Variants in FNDC1 observed in about 807,000 individuals in gnomAD.
FNDC1 encodes the protein fibronectin type III domain containing 1, also known as fibronectin type III domain-containing protein 1.
FNDC1 carries 96 observed loss-of-function variants against 168.0 expected under a neutral mutation model. That is an observed-to-expected ratio of 0.57 (90% CI 0.48 to 0.68). The LOEUF (loss-of-function observed/expected upper bound fraction) is 0.68. Ranked by LOEUF, FNDC1 falls within the 30% of genes least tolerant of loss-of-function variation. The pLI is 0.00. For missense variants in FNDC1, 2,587 were observed against 2,482.1 expected, an observed-to-expected ratio of 1.04 and a Z score of -0.90; for synonymous variants, 1,099 against 1,025.9, an observed-to-expected ratio of 1.07 and a Z score of -1.36.
intron 4 of FNDC1, among the ~76,000 whole-genome samples, chr6:159,205,465 G>A (rs932226477): frequency 2.0e-5 from 3 of 152,160 alleles, no homozygotes; most frequent in Non-Finnish European, 4.4e-5. Flanking sequence ...TGATTCAAGA[G>A]CATAATTAAT....
chr6:159,262,297 T>G (rs1422150736), intron 19 of FNDC1, among the ~76,000 whole-genome samples: 1 of 152,134 alleles, frequency 6.6e-6, no homozygotes, highest in Non-Finnish European at 1.5e-5. Context: ...GCCCAGAAAA[T>G]GGGTCATTGG....
chr6:159,178,073 G>A (rs1025927681), intron 1 of FNDC1, among the ~76,000 whole-genome samples: 9 of 152,128 alleles, frequency 5.9e-5, no homozygotes, highest in Non-Finnish European at 1.5e-5. Flanking sequence ...AGGCCAGCAG[G>A]GGAGGATTCT....
chr6:159,267,662 T>A, intron 21 of FNDC1, 142 bp from the exon 22 acceptor site: 1 of 825,802 alleles, frequency 1.2e-6, no homozygotes, highest in Non-Finnish European at 1.8e-6. Context: ...ATTATCACCA[T>A]TTTCAGACAT....
At chr6:159,269,324 A>ACTATCTATCTATCTAT (rs534803404) in intron 22 of FNDC1, among the ~76,000 whole-genome samples, 3 of 40,404 alleles carry the variant, frequency 7.4e-5, no homozygotes, top group African/African-American at 1.3e-4. Flanking sequence ...TATTTATCTA[A>ACTATCTATCTATCTAT]CTATCTATCT....
chr6:159,197,726 C>T (rs763369026), intron 2 of FNDC1, 101 bp downstream of exon 2: 9 of 1,100,688 alleles, frequency 8.2e-6, no homozygotes, highest in Non-Finnish European at 1.2e-5. Context: ...TGGCTGGGCT[C>T]AAGGTCCCTT....
Position 159,232,073 on chromosome 6 carries a change from C to G in FNDC1, c.1561C>G (p.Arg521Gly). The G allele has an allele frequency of 6.2e-7, 1 of 1,613,704 alleles. No homozygotes were observed. The highest frequency in any genetic ancestry group is 8.5e-7 in the Non-Finnish European group (1 of 1,179,770). ...NKILANGGAP[R>G]KPQLRAKKAE... ...AATATTGGCTAATGGTGGGGCGCCC[C>G]GAAAACCCCAGCTTCGCGCCAAGAA... Residue 521 changes from arginine to glycine, a missense_variant, in exon 11 of 23, where the codon CGA (arginine) becomes GGA (glycine). Arg to Gly is a moderately radical substitution (Grantham distance 125, BLOSUM62 -2). Coordinates refer to ENST00000297267, the MANE Select transcript of FNDC1 (RefSeq NM_032532.3). This position sits in a 1 kb window ranked among gnomAD's most constrained non-coding sequence, Gnocchi z 4.9.
At chr6:159,264,840 A>T in intron 19 of FNDC1, 135 bp from the exon 20 acceptor site, 1 of 645,298 alleles carries the variant, frequency 1.5e-6, no homozygotes, top group Non-Finnish European at 2.6e-6. Context: ...AACCAAGGAA[A>T]ACGTTGGCAT....
intron 22 of FNDC1, among the ~76,000 whole-genome samples, chr6:159,269,233 CT>C (rs1246282526): frequency 9.3e-5 from 13 of 139,540 alleles, no homozygotes; most frequent in African/African-American, 3.6e-4. Flanking sequence ...ATCTATCTAT[CT>C]ATCTATCTAT....
intron 13 of FNDC1, among the ~76,000 whole-genome samples, chr6:159,239,255 A>C (rs1783343650): frequency 6.6e-6 from 1 of 152,168 alleles, no homozygotes; most frequent in Non-Finnish European, 1.5e-5. Flanking sequence ...TTTACAGAAG[A>C]AGTTTTCCAC....
At chr6:159,218,184 G>A (rs1167902831) in intron 5 of FNDC1, 1 of 152,268 alleles carries the variant, frequency 6.6e-6, no homozygotes, top group Non-Finnish European at 1.5e-5. Context: ...ATCTGTTGTT[G>A]TTGTTGTTTT....
intron 14 of FNDC1, among the ~76,000 whole-genome samples, chr6:159,244,147 G>A (rs921111683): frequency 2.0e-5 from 3 of 152,180 alleles, no homozygotes; most frequent in Admixed American, 6.5e-5. Flanking sequence ...AAAGCAAGAC[G>A]ACATTCCTAA....
intron 17 of FNDC1, among the ~76,000 whole-genome samples, chr6:159,253,877 G>T (rs117482535): frequency 6.6e-6 from 1 of 152,256 alleles, no homozygotes; most frequent in Non-Finnish European, 1.5e-5. Flanking sequence ...TCCATTGGAA[G>T]CTGGGTTTCC....
In FNDC1 at chr6:159,228,171, G is replaced by C. The variant is rs556515066; in HGVS notation, c.1180+1591G>C. Among the ~76,000 whole-genome samples the C allele has an allele frequency of 2.6e-5, 4 of 152,246 alleles. No homozygotes were observed. The South Asian group carries it at 8.3e-4, about 32-fold the overall frequency. ...GAGTTGATATTTACAGTTCCTTGGC[G>C]AAAGAAGTTCCATGGTAGTCAATTA... On this transcript the variant is annotated intron_variant, in intron 9 of 22. Transcript: ENST00000297267.
chr6:159,172,318 A>G (rs943763273), intron 1 of FNDC1, among the ~76,000 whole-genome samples: 2 of 152,224 alleles, frequency 1.3e-5, no homozygotes, highest in African/African-American at 4.8e-5. Context: ...CAACAGACAA[A>G]CTAGAGCTAT....
intron 1 of FNDC1, among the ~76,000 whole-genome samples, chr6:159,180,199 TG>T (rs1781851387): frequency 6.6e-6 from 1 of 152,220 alleles, no homozygotes. Flanking sequence ...CCTAGCTTCT[TG>T]TGGTTTCCTT....
intron 14 of FNDC1, among the ~76,000 whole-genome samples, chr6:159,245,156 C>G (rs1230063584): frequency 6.6e-6 from 1 of 152,060 alleles, no homozygotes; most frequent in Non-Finnish European, 1.5e-5. Flanking sequence ...GGGAAACTGC[C>G]CCCATAATCC....
chr6:159,261,095 G>C, intron 18 of FNDC1, 95 bp from the exon 19 acceptor site: 1 of 882,914 alleles, frequency 1.1e-6, no homozygotes, highest in Non-Finnish European at 1.8e-6. Context: ...CTCAAAGCCT[G>C]TCACGGTTCA....
intron 12 of FNDC1, among the ~76,000 whole-genome samples, chr6:159,238,089 G>A (rs1039188395): frequency 3.1e-5 from 4 of 127,206 alleles, no homozygotes; most frequent in Non-Finnish European, 1.6e-5. Context: ...AAAGATGACT[G>A]TTTTGTACTT....
chr6:159,251,230 G>C (rs1285953669), intron 16 of FNDC1, 72 bp from the exon 17 acceptor site: 1 of 1,158,656 alleles, frequency 8.6e-7, no homozygotes, highest in Admixed American at 2.0e-5. Flanking sequence ...TGACTCTGTG[G>C]AACAGATGCT....
Sources: allele counts gnomAD v4.1 joint callset (sites outside exome capture counted in the v4.1 genomes callset), GRCh38; gene constraint gnomAD v4.1.1; non-coding constraint Gnocchi (gnomAD v3.1); transcripts MANE v1.5; gene names NCBI Gene and HGNC (gene_info 2026-07-23, HGNC 2026-07-21).